Variants in AKR7A2 observed in about 807,000 individuals in gnomAD.
AKR7A2 encodes aldo-keto reductase family 7 member A2, also known as aflatoxin B1 aldehyde reductase member 2.
In AKR7A2, 29 loss-of-function variants were observed where a neutral mutation model predicts 37.3. That is an observed-to-expected ratio of 0.78 (90% CI 0.58 to 1.06). AKR7A2 has a LOEUF of 1.06. AKR7A2 is among the 50% of genes least tolerant of loss of function. The probability of loss-of-function intolerance (pLI) is 0.00; values close to 1 mark genes in which losing one functional copy is unlikely to be tolerated. For missense variants in AKR7A2, 529 were observed against 497.9 expected (o/e 1.06, Z -0.59); for synonymous variants, 228 against 217.8 (o/e 1.05, Z -0.41).
intron 1 of AKR7A2, among the ~76,000 whole-genome samples, chr1:19,310,074 TCAAAAAA>T (rs1361262158): frequency 2.0e-5 from 3 of 150,744 alleles, no homozygotes; most frequent in Admixed American, 2.0e-4. Context: ...AGACTCTGTG[TCAAAAAA>T]CAAAAAACAA....
rs1211731414 is a variant in AKR7A2 at position 19,308,696 on chromosome 1, T to C, written c.299-54A>G. 34 of 1,549,026 alleles carry C rather than the reference T, an allele frequency of 2.2e-5. No homozygotes were observed. The East Asian group carries it at 3.6e-4, about 16-fold the overall frequency. ...ACCTATTAGAGCCATTTGCTAACCATGTAACCCTGGCTAAATTACTAATAT... is the reference window on the plus strand; with the variant it reads ...ACCTATTAGAGCCATTTGCTAACCACGTAACCCTGGCTAAATTACTAATAT... On this transcript the variant is annotated intron_variant, in intron 1 of 6. Coordinates refer to ENST00000235835, the MANE Select transcript of AKR7A2 (RefSeq NM_003689.4).
intron 4 of AKR7A2, 73 bp from the exon 5 acceptor site, chr1:19,307,174 C>G (rs538343102): frequency 6.3e-7 from 1 of 1,596,406 alleles, no homozygotes; most frequent in East Asian, 2.2e-5. Flanking sequence ...GGGCTCTGGT[C>G]TAGGGGAGGG....
intron 3 of AKR7A2, 46 bp from the exon 4 acceptor site, chr1:19,307,456 A>C (rs369993408): frequency 8.7e-6 from 14 of 1,604,452 alleles, no homozygotes; most frequent in Non-Finnish European, 1.1e-5. Flanking sequence ...TGTCAAGAGA[A>C]GGAACTGTTG....
chr1:19,308,265 G>T lies in AKR7A2; in HGVS notation c.487-3C>A, dbSNP rs372566686. ...AGGCCAAGCTCCACGAACTTGCCCT[G>T]CATGGGTGAGGCTCCAGTCAGAACG... is the stretch of plus-strand genomic sequence containing the variant. On this transcript the variant is annotated splice_region_variant and splice_polypyrimidine_tract_variant and intron_variant, in intron 2 of 6. Transcript: ENST00000235835. The T allele has an allele frequency of 3.4e-5, 55 of 1,614,210 alleles. 1 individual carries two copies. In the African/African-American group the frequency reaches 6.3e-4, roughly 18 times the overall value.
At chr1:19,311,529 G>A (rs532564373) in intron 1 of AKR7A2, among the ~76,000 whole-genome samples, 1 of 152,272 alleles carries the variant, frequency 6.6e-6, no homozygotes, top group Admixed American at 6.5e-5. Flanking sequence ...CCGGTTGTGG[G>A]CACCTGGCAG....
At chr1:19,310,246 T>C (rs2093769708) in intron 1 of AKR7A2, among the ~76,000 whole-genome samples, 1 of 152,144 alleles carries the variant, frequency 6.6e-6, no homozygotes, top group African/African-American at 2.4e-5. Context: ...ATCCAGATTT[T>C]CTCCATTTCC....
downstream of AKR7A2, among the ~76,000 whole-genome samples, chr1:19,303,127 A>C (rs549384810): frequency 1.6e-4 from 25 of 152,066 alleles, no homozygotes; most frequent in South Asian, 5.0e-3. Context: ...GGAGATCTCC[A>C]CTCCACAAAA....
chr1:19,304,288 G>C lies in AKR7A2; in HGVS notation c.1017C>G (p.Val339=), dbSNP rs148319333. 1 of 1,614,154 alleles carries C rather than the reference G, an allele frequency of 6.2e-7. No homozygotes were observed. Among genetic ancestry groups the C allele is most frequent in the Non-Finnish European group, 8.5e-7 (1 of 1,180,030 alleles). Residue 339 remains valine, a synonymous_variant, in exon 7 of 7, where the codon GTC becomes GTG. Transcript: ENST00000235835. Reference sequence around the variant, plus strand: ...GCCAGGCTTGATTAAAGGCATCCACGACAGCCGGCTCCAGGGGCCCTTCCT... The same window carrying C: ...GCCAGGCTTGATTAAAGGCATCCACCACAGCCGGCTCCAGGGGCCCTTCCT... ...ATEEGPLEPA[V]VDAFNQAWHL...
At chr1:19,306,825 C>A (rs769788229) in intron 5 of AKR7A2, among the ~76,000 whole-genome samples, 177 bp downstream of exon 5, 1 of 152,164 alleles carries the variant, frequency 6.6e-6, no homozygotes, top group Non-Finnish European at 1.5e-5. Flanking sequence ...TCATTTCCCC[C>A]CCAGAGGTCT....
In AKR7A2 at chr1:19,307,388, C is replaced by T. The variant is rs146583457; in HGVS notation, c.614G>A (p.Arg205Gln). 227 of 1,614,074 alleles carry T rather than the reference C, an allele frequency of 1.4e-4. No homozygotes were observed. Among genetic ancestry groups the T allele is most frequent in the Admixed American group, 4.5e-4 (27 of 60,020 alleles). The change falls in exon 4 of 7, where the codon CGG becomes CAG. Residue 205 changes from arginine (R) to glutamine (Q), a missense_variant. Physicochemically the swap from Arg to Gln is conservative, Grantham distance 43. Transcript: ENST00000235835. ...GGGGAAGAGCTCCGTTTCCACCTGCCGGGTGGTGGCGTTGTACATGCCCTG... is the reference window on the plus strand; with the variant it reads ...GGGGAAGAGCTCCGTTTCCACCTGCTGGGTGGTGGCGTTGTACATGCCCTG... The part of the protein sequence containing the change: ...VYQGMYNATT[R>Q]QVETELFPCL...
At chr1:19,304,504 T>G in intron 6 of AKR7A2, 118 bp from the exon 7 acceptor site, 1 of 1,576,788 alleles carries the variant, frequency 6.3e-7, no homozygotes, top group Non-Finnish European at 8.7e-7. Flanking sequence ...ATATCTTGTA[T>G]GTCCAGAAAG....
At chr1:19,308,721 T>C (rs2093766995) in intron 1 of AKR7A2, 79 bp from the exon 2 acceptor site, 2 of 1,380,122 alleles carry the variant, frequency 1.4e-6, no homozygotes, top group Admixed American at 3.5e-5. Flanking sequence ...ATTACTAATA[T>C]TCTCTTGGCC....
At chr1:19,311,086 G>A (rs1407804478) in intron 1 of AKR7A2, among the ~76,000 whole-genome samples, 1 of 152,170 alleles carries the variant, frequency 6.6e-6, no homozygotes, top group Non-Finnish European at 1.5e-5. Context: ...CTACCATTGA[G>A]CCTTTAAGGC....
At chr1:19,307,775 G>A (rs568615523) in intron 3 of AKR7A2, 7 of 488,420 alleles carry the variant, frequency 1.4e-5, no homozygotes, top group South Asian at 1.1e-4. Context: ...GAAAGTACTC[G>A]CTGAATGTAT....
chr1:19,312,114 G>A lies in AKR7A2; in HGVS notation c.11C>T (p.Ala4Val), dbSNP rs982673539. The A allele has an allele frequency of 1.5e-6, 2 of 1,322,564 alleles. No homozygotes were observed. The highest frequency in any genetic ancestry group is 1.9e-6 in the Non-Finnish European group (2 of 1,045,694). 81.9% of individuals were successfully genotyped at this position (1,322,564 alleles called of 1,614,324 possible). MLS[A>V]ASRVVSRAAV... ...GGCGCGGGAGACTACGCGAGACGCG[G>A]CACTCAGCATAGCAGCGGCGCCTGC... The change falls in exon 1 of 7, where the codon GCC becomes GTC. Residue 4 changes from alanine (A) to valine (V), a missense_variant. Ala to Val is a moderately conservative substitution (Grantham distance 64). Coordinates refer to ENST00000235835, the MANE Select transcript of AKR7A2 (RefSeq NM_003689.4).
In AKR7A2 at chr1:19,304,171, G is replaced by A; in HGVS notation, c.*54C>T. 1 of 1,613,846 alleles carries A rather than the reference G, an allele frequency of 6.2e-7. No homozygotes were observed. The highest frequency in any genetic ancestry group is 8.5e-7 in the Non-Finnish European group (1 of 1,179,698). ...GCTTAAGGCCAAGACTGGTCAGTGT[G>A]AGAGAACAAAAGAGGTGACAGAAAA... On this transcript the variant is annotated 3_prime_UTR_variant, in exon 7 of 7. Coordinates refer to ENST00000235835, the MANE Select transcript of AKR7A2 (RefSeq NM_003689.4).
Position 19,312,084 on chromosome 1 carries a change from A to G in AKR7A2, c.41T>C (p.Val14Ala), listed in dbSNP as rs944153401. The G allele has an allele frequency of 6.7e-6, 9 of 1,341,756 alleles. No individual in the cohort carries two copies. The highest frequency in any genetic ancestry group is 4.0e-5 in the Admixed American group (1 of 25,100). 83.1% of individuals were successfully genotyped at this position (1,341,756 alleles called of 1,614,324 possible). ...CGGCGGAGAGCGAAGCGCGCAGTGG[A>G]CGGCGGCGCGGGAGACTACGCGAGA... is the stretch of plus-strand genomic sequence containing the variant. Reference protein sequence around the residue: ...AASRVVSRAAVHCALRSPPPE... With the variant: ...AASRVVSRAAAHCALRSPPPE... The change falls in exon 1 of 7, where the codon GTC (valine) becomes GCC (alanine). Residue 14 changes from valine (V) to alanine (A), a missense_variant. Val to Ala is a moderately conservative substitution (Grantham distance 64). Transcript: ENST00000235835.
In AKR7A2 at chr1:19,311,842, C is replaced by T; in HGVS notation, c.283G>A (p.Gly95Ser). The change falls in exon 1 of 7, where the codon GGT (glycine) becomes AGT (serine). Residue 95 changes from glycine to serine, a missense_variant. By Grantham distance (56) the Gly-to-Ser change is moderately conservative. Coordinates refer to ENST00000235835, the MANE Select transcript of AKR7A2 (RefSeq NM_003689.4). Reference sequence around the variant, plus strand: ...CTACTGTTACCTCTGCAGTCGCCACCGCCCAGCCCGAGCCCCAGGCCGCCC... The same window carrying T: ...CTACTGTTACCTCTGCAGTCGCCACTGCCCAGCCCGAGCCCCAGGCCGCCC... The part of the protein sequence containing the change: ...ILGGLGLGLG[G>S]GDCRVKIATK... 6.2e-7 allele frequency: 1 copy of T among 1,610,322 alleles called. No individual in the cohort carries two copies. The highest frequency in any genetic ancestry group is 8.5e-7 in the Non-Finnish European group (1 of 1,179,520).
In AKR7A2 at chr1:19,304,141, A is replaced by G; in HGVS notation, c.*84T>C. 6.2e-7 allele frequency: 1 copy of G among 1,605,164 alleles called. No homozygotes were observed. The highest frequency in any genetic ancestry group is 1.1e-5 in the South Asian group (1 of 90,800). On this transcript the variant is annotated 3_prime_UTR_variant, in exon 7 of 7. Coordinates refer to ENST00000235835, the MANE Select transcript of AKR7A2 (RefSeq NM_003689.4). Reference sequence around the variant, plus strand: ...TAGACAATTCAGAAAAACCCTTCTAAGTCAGCTTAAGGCCAAGACTGGTCA... The same window carrying G: ...TAGACAATTCAGAAAAACCCTTCTAGGTCAGCTTAAGGCCAAGACTGGTCA...
Sources: allele counts gnomAD v4.1 joint callset (sites outside exome capture counted in the v4.1 genomes callset), GRCh38; gene constraint gnomAD v4.1.1; transcripts MANE v1.5; gene names NCBI Gene and HGNC (gene_info 2026-07-23, HGNC 2026-07-21).